BABAM2: variants seen among roughly 807,000 people sequenced by gnomAD.
The protein encoded by BABAM2 is BRISC and BRCA1 A complex member 2, also known as BRISC and BRCA1-A complex member 2.
In BABAM2, 31 loss-of-function variants were observed where a neutral mutation model predicts 54.7. That is an observed-to-expected ratio of 0.57 (90% CI 0.43 to 0.77). BABAM2 has a LOEUF of 0.77. BABAM2 is among the 30% of genes least tolerant of loss of function. The pLI is 0.00. For synonymous variants in BABAM2, 167 were observed against 162.9 expected (o/e 1.03, Z -0.19); for missense variants, 364 against 455.8 (o/e 0.80, Z 1.83).
At chr2:28,085,574 T>C (rs933394171) in intron 6 of BABAM2, among the ~76,000 whole-genome samples, 10 of 152,178 alleles carry the variant, frequency 6.6e-5, no homozygotes, top group South Asian at 2.1e-4. Context: ...TAAATGCTTG[T>C]CAAAGTAATG....
chr2:27,899,130 C>A (rs1665573655), intron 2 of BABAM2, among the ~76,000 whole-genome samples: 1 of 152,072 alleles, frequency 6.6e-6, no homozygotes, highest in South Asian at 2.1e-4. Context: ...ATAAAACCAA[C>A]CCATCAACCA....
chr2:28,027,600 T>TAA (rs1299285417), intron 5 of BABAM2, among the ~76,000 whole-genome samples: 1 of 152,236 alleles, frequency 6.6e-6, no homozygotes, highest in African/African-American at 2.4e-5. Context: ...ACTTAGCCTA[T>TAA]GTTTGAGGTT....
At chr2:27,994,264 G>A (rs1184049975) in intron 4 of BABAM2, among the ~76,000 whole-genome samples, 1 of 152,076 alleles carries the variant, frequency 6.6e-6, no homozygotes, top group Admixed American at 6.5e-5. Flanking sequence ...TAAGTACCAG[G>A]GACTTGGAAA....
At chr2:27,958,333 G>C (rs1052506795) in intron 3 of BABAM2, among the ~76,000 whole-genome samples, 6 of 151,892 alleles carry the variant, frequency 4.0e-5, no homozygotes, top group African/African-American at 1.5e-4. Flanking sequence ...AGTCTCCAGA[G>C]GGAGAAGGAA....
chr2:28,078,644 T>C (rs1224007961), intron 6 of BABAM2, among the ~76,000 whole-genome samples: 2 of 152,008 alleles, frequency 1.3e-5, no homozygotes, highest in Non-Finnish European at 2.9e-5. Context: ...GATGGGAGAA[T>C]GGGGATTAGA....
At chr2:27,890,153 T>C (rs1161135976), upstream of BABAM2, 1 of 1,022,998 alleles carries the variant, frequency 9.8e-7, no homozygotes, top group Non-Finnish European at 1.5e-6. This position sits in a 1 kb window ranked among gnomAD's most constrained non-coding sequence, Gnocchi z 4.8. Context: ...AAGCTAGCAC[T>C]GTCTATCCCT....
chr2:27,936,635 C>T (rs1416829023), intron 3 of BABAM2, among the ~76,000 whole-genome samples: 1 of 152,138 alleles, frequency 6.6e-6, no homozygotes, highest in Non-Finnish European at 1.5e-5. Context: ...ATGATGAGTT[C>T]ATGTCCTTTG....
At chr2:27,903,884 G>GAA (rs1666003757) in intron 2 of BABAM2, among the ~76,000 whole-genome samples, 1 of 152,088 alleles carries the variant, frequency 6.6e-6, no homozygotes, top group Non-Finnish European at 1.5e-5. Context: ...ATTAAGTCAA[G>GAA]AACATTTACC....
At chr2:27,920,322 T>C (rs986564558) in intron 2 of BABAM2, among the ~76,000 whole-genome samples, 1 of 148,132 alleles carries the variant, frequency 6.8e-6, no homozygotes, top group African/African-American at 2.7e-5. Flanking sequence ...CCAGTTCAGA[T>C]GCCTTTGCAG....
intron 3 of BABAM2, among the ~76,000 whole-genome samples, chr2:27,960,095 A>G (rs561902214): frequency 6.6e-6 from 1 of 152,032 alleles, no homozygotes; most frequent in African/African-American, 2.4e-5. Context: ...TGTTAGACTT[A>G]TTGTTTAGAT....
intron 3 of BABAM2, among the ~76,000 whole-genome samples, chr2:27,969,867 A>G (rs907071518): frequency 3.3e-5 from 5 of 152,146 alleles, no homozygotes; most frequent in Admixed American, 3.3e-4. Flanking sequence ...AGAGTTATCC[A>G]TCCCCAAATG....
chr2:28,070,694 A>G (rs765745761), intron 6 of BABAM2, among the ~76,000 whole-genome samples: 1 of 151,974 alleles, frequency 6.6e-6, no homozygotes, highest in South Asian at 2.1e-4. Flanking sequence ...TACTTTTCTT[A>G]TCAATCTTAA....
chr2:27,890,679 C>A, upstream of BABAM2: 1 of 191,932 alleles, frequency 5.2e-6, no homozygotes, highest in East Asian at 1.2e-4. This position sits in a 1 kb window ranked among gnomAD's most constrained non-coding sequence, Gnocchi z 4.8. Flanking sequence ...CGGGGGCGCG[C>A]ACGCCGCCCA....
intron 11 of BABAM2, chr2:28,327,429 A>G (rs1038833097): frequency 2.5e-6 from 4 of 1,593,068 alleles, no homozygotes; most frequent in Non-Finnish European, 3.4e-6. Context: ...AGAACTGCTC[A>G]GTAATTTTGA....
intron 11 of BABAM2, among the ~76,000 whole-genome samples, chr2:28,299,616 G>A (rs183043616): frequency 5.3e-5 from 8 of 152,258 alleles, no homozygotes; most frequent in Admixed American, 3.3e-4. Context: ...TCCAAGCATT[G>A]TGCTCAATGC....
chr2:28,206,986 A>C (rs1209734814), intron 7 of BABAM2, among the ~76,000 whole-genome samples: 4 of 152,144 alleles, frequency 2.6e-5, no homozygotes, highest in Admixed American at 6.5e-5. Context: ...TCAGTTATTT[A>C]CATGCATTAT....
At chr2:27,900,900 G>A (rs1246262884) in intron 2 of BABAM2, among the ~76,000 whole-genome samples, 3 of 151,960 alleles carry the variant, frequency 2.0e-5, no homozygotes, top group South Asian at 2.1e-4. Flanking sequence ...AAAATTAGCC[G>A]GGCATGGTAG....
At chr2:28,238,460 C>G (rs1682117631) in intron 8 of BABAM2, among the ~76,000 whole-genome samples, 1 of 152,178 alleles carries the variant, frequency 6.6e-6, no homozygotes, top group Admixed American at 6.5e-5. Context: ...TTGTTTGTCT[C>G]TTTCACTCAA....
intron 6 of BABAM2, among the ~76,000 whole-genome samples, chr2:28,066,173 AT>A (rs201039392): frequency 1.5e-4 from 22 of 150,306 alleles, no homozygotes; most frequent in Admixed American, 2.0e-4. Flanking sequence ...CAAAAAAAAA[AT>A]AAATAAATAA....
Sources: allele counts gnomAD v4.1 joint callset (sites outside exome capture counted in the v4.1 genomes callset), GRCh38; gene constraint gnomAD v4.1.1; non-coding constraint Gnocchi (gnomAD v3.1); transcripts MANE v1.5; gene names NCBI Gene and HGNC (gene_info 2026-07-23, HGNC 2026-07-21).